Variants in KLHDC4 observed in about 807,000 individuals in gnomAD.
The protein encoded by KLHDC4 is kelch domain-containing protein 4.
In KLHDC4, 90 loss-of-function variants were observed where a neutral mutation model predicts 62.4. The observed-to-expected ratio is 1.44, with a 90% CI of 1.22 to 1.72. KLHDC4 has a LOEUF of 1.72. Ranked by LOEUF, KLHDC4 falls within the 40% of genes most tolerant of loss-of-function variation. KLHDC4 has a pLI of 0.00. For missense variants in KLHDC4, 1,025 were observed against 699.7 expected, an observed-to-expected ratio of 1.47 and a Z score of -5.25; for synonymous variants, 386 against 284.4, an observed-to-expected ratio of 1.36 and a Z score of -3.59.
At chr16:87,756,500 G>T (rs765902365) in intron 2 of KLHDC4, 23 bp from the exon 3 acceptor site, 13 of 1,593,772 alleles carry the variant, frequency 8.2e-6, no homozygotes, top group Non-Finnish European at 1.0e-5. Flanking sequence ...CAAGCGGCAG[G>T]TCAGCAAGAT....
At chr16:87,741,453 G>A (rs1472178470) in intron 5 of KLHDC4, among the ~76,000 whole-genome samples, 1 of 152,180 alleles carries the variant, frequency 6.6e-6, no homozygotes, top group Non-Finnish European at 1.5e-5. Context: ...GTTGTGGGCT[G>A]CACACACCAT....
At position 87,730,644 on chromosome 16, in the gene KLHDC4, TCTAAAATGAAATAAACAAAAAGACA is replaced by T. The variant is rs2040184707; in HGVS notation, c.507-25_507-1del. 1.2e-6 allele frequency: 2 copies of T among 1,611,948 alleles called. No homozygotes were observed. Among genetic ancestry groups the T allele is most frequent in the African/African-American group, 2.7e-5 (2 of 74,812 alleles). On this transcript the variant is annotated splice_acceptor_variant and splice_polypyrimidine_tract_variant and intron_variant, in intron 5 of 11. Coordinates refer to ENST00000270583, the MANE Select transcript of KLHDC4 (RefSeq NM_017566.4). LOFTEE classifies it high-confidence loss of function. Reference sequence around the variant, plus strand: ...TCCGACCCGAAGGACCGCCTGTTGATCTAAAATGAAATAAACAAAAAGACACTATCAACCTGCTTAATTTCTGGTT... The same window carrying T: ...TCCGACCCGAAGGACCGCCTGTTGATCTATCAACCTGCTTAATTTCTGGTT...
chr16:87,760,958 G>A (rs908516801), intron 2 of KLHDC4, among the ~76,000 whole-genome samples: 1 of 152,048 alleles, frequency 6.6e-6, no homozygotes, highest in Non-Finnish European at 1.5e-5. Flanking sequence ...ACTTGAACCT[G>A]GGAGGCAGAG....
chr16:87,716,775 C>T (rs2037082509), intron 7 of KLHDC4, among the ~76,000 whole-genome samples: 1 of 151,898 alleles, frequency 6.6e-6, no homozygotes, highest in African/African-American at 2.4e-5. Flanking sequence ...ACGAAAAATA[C>T]AAAAAAATTA....
intron 4 of KLHDC4, among the ~76,000 whole-genome samples, chr16:87,754,570 G>A (rs192119034): frequency 5.4e-4 from 83 of 152,304 alleles, no homozygotes; most frequent in Admixed American, 3.8e-3. Flanking sequence ...CTGATGCGTT[G>A]ATCTTTCTCT....
intron 5 of KLHDC4, among the ~76,000 whole-genome samples, chr16:87,743,589 T>A (rs111854744): frequency 0.057 from 8,648 of 151,078 alleles, 316 homozygotes; most frequent in East Asian, 0.16. Context: ...AAATACAAAA[T>A]ATTAGCCAGG....
downstream of KLHDC4, among the ~76,000 whole-genome samples, chr16:87,706,127 A>C (rs1236626613): frequency 3.6e-5 from 5 of 138,800 alleles, no homozygotes; most frequent in Non-Finnish European, 6.2e-5. Context: ...AAGCAAACAC[A>C]AGCTGCAGCC....
At chr16:87,733,419 C>T (rs74472113) in intron 5 of KLHDC4, among the ~76,000 whole-genome samples, 28,156 of 152,150 alleles carry the variant, frequency 0.19, 2,747 homozygotes, top group South Asian at 0.3. Flanking sequence ...ACAGAGGAGG[C>T]GGGGCACACA....
Position 87,711,071 on chromosome 16 carries a change from G to T in KLHDC4, c.1044+164C>A, listed in dbSNP as rs1452782929. On this transcript the variant is annotated intron_variant, in intron 9 of 11. Transcript: ENST00000270583. ...GGGACCGTGACCAAGGGCTCTCCAA[G>T]CCTAGTCACCCAGGACAGTCAGAGA... 4 of 650,010 alleles carry T rather than the reference G, an allele frequency of 6.2e-6. No individual in the cohort carries two copies. The East Asian group carries it at 1.1e-4, about 18-fold the overall frequency. The allele number at this position is 650,010 out of a possible 1,614,324, so 40.3% of individuals were successfully genotyped here. A position where few individuals can be genotyped will look rare whatever the true frequency, so the allele number is the denominator to read the frequency against.
chr16:87,718,634 G>C lies in KLHDC4; in HGVS notation c.760-4061C>G, dbSNP rs184180370. On this transcript the variant is annotated intron_variant, in intron 7 of 11. Coordinates refer to ENST00000270583, the MANE Select transcript of KLHDC4 (RefSeq NM_017566.4). The stretch of plus-strand genomic sequence containing the variant: ...CCAAAGTGCTGAGATTGCAGCCTCT[G>C]CCCGGCCGCCACCTCGTCTGGGAAG... Among the ~76,000 whole-genome samples the C allele has an allele frequency of 5.5e-3, 840 of 151,796 alleles. 8 individuals are homozygous for C. The highest frequency in any genetic ancestry group is 0.019 in the African/African-American group (780 of 41,352).
At chr16:87,751,483 AG>A (rs1015657854) in intron 4 of KLHDC4, among the ~76,000 whole-genome samples, 2 of 117,182 alleles carry the variant, frequency 1.7e-5, no homozygotes, top group Non-Finnish European at 3.6e-5. Flanking sequence ...CAAAAAAAAA[AG>A]AAAAAAAAAA....
intron 4 of KLHDC4, among the ~76,000 whole-genome samples, chr16:87,754,397 C>T (rs1788679408): frequency 6.6e-6 from 1 of 152,238 alleles, no homozygotes; most frequent in African/African-American, 2.4e-5. Flanking sequence ...TTTAAACCAG[C>T]CCAAATGCCT....
At chr16:87,736,415 G>C (rs535262869) in intron 5 of KLHDC4, among the ~76,000 whole-genome samples, 2 of 152,328 alleles carry the variant, frequency 1.3e-5, no homozygotes, top group East Asian at 3.9e-4. Context: ...CATCTGCTGA[G>C]CAAAGGAGCA....
exon 1 of KLHDC4, chr16:87,702,385 G>A (rs1199305031): frequency 4.8e-6 from 2 of 419,664 alleles, no homozygotes; most frequent in Admixed American, 2.6e-5. Flanking sequence ...GCCCTGCAGG[G>A]CAGTGCCTGG....
intron 2 of KLHDC4, among the ~76,000 whole-genome samples, chr16:87,756,783 T>A (rs1001503770): frequency 1.4e-4 from 22 of 151,942 alleles, no homozygotes; most frequent in Non-Finnish European, 3.1e-4. Context: ...CCTACTGATG[T>A]ATCAAATGTT....
chr16:87,716,357 CTA>C (rs913647213), intron 7 of KLHDC4, among the ~76,000 whole-genome samples: 10 of 152,272 alleles, frequency 6.6e-5, no homozygotes, highest in African/African-American at 2.4e-4. Flanking sequence ...TGGGTACGCG[CTA>C]TGTCTCGTGG....
At chr16:87,722,968 G>A (rs768195729) in intron 7 of KLHDC4, among the ~76,000 whole-genome samples, 12 of 152,242 alleles carry the variant, frequency 7.9e-5, no homozygotes, top group Admixed American at 1.3e-4. Context: ...GGAGAGAGGC[G>A]TGTGCCCACA....
intron 1 of KLHDC4, among the ~76,000 whole-genome samples, chr16:87,763,824 G>A (rs1305884168): frequency 1.6e-4 from 25 of 152,198 alleles, no homozygotes; most frequent in Admixed American, 1.6e-3. Flanking sequence ...TCTGGGTGAC[G>A]CCAGTGGCCT....
intron 6 of KLHDC4, chr16:87,729,495 A>T (rs1325342714): frequency 6.6e-6 from 1 of 152,302 alleles, no homozygotes; most frequent in East Asian, 1.9e-4. Flanking sequence ...AGTCTGCGAC[A>T]CTTCACTCAG....
Sources: gnomAD v4.1 joint callset for allele counts (sites outside exome capture counted in the v4.1 genomes callset) on GRCh38, gnomAD v4.1.1 for gene constraint, MANE v1.5 for transcripts, NCBI Gene and HGNC (gene_info 2026-07-23, HGNC 2026-07-21) for gene names.